Variants in CELF2 observed in about 807,000 individuals in gnomAD.
CELF2 encodes the protein CUG triplet repeat RNA-binding protein 2.
A neutral mutation model predicts 62.6 loss-of-function variants in CELF2; 8 were observed. The ratio of observed to expected loss-of-function variants is 0.13; its 90% CI spans 0.07 to 0.23. The LOEUF (loss-of-function observed/expected upper bound fraction) is 0.23, where lower values mean the gene tolerates loss of function less well. Among genes scored for constraint, CELF2 ranks in the 10% least tolerant of loss-of-function variants. The pLI is 1.00. For missense variants in CELF2, 333 were observed against 671.0 expected (o/e 0.50, Z 5.56); for synonymous variants, 258 against 250.0 (o/e 1.03, Z -0.30).
At chr10:11,055,534 G>C (rs1197177796) in intron 1 of CELF2, among the ~76,000 whole-genome samples, 10 of 152,208 alleles carry the variant, frequency 6.6e-5, no homozygotes, top group Non-Finnish European at 1.3e-4. Flanking sequence ...TCATCCCTGT[G>C]CCCTCATGCT....
rs935569900 is a variant in CELF2, at chr10:11,243,572, C to A, written c.355-5581C>A. 2.6e-5 allele frequency among the ~76,000 whole-genome samples: 4 copies of A among 152,198 alleles called. No homozygotes were observed. The highest frequency in any genetic ancestry group is 2.1e-4 in the South Asian group (1 of 4,826). ...CCTTGCGTGAGAGGACCAGAGATCT[C>A]CTGTCGTCTTCCAGGCTTGCTGCAA... On this transcript the variant is annotated intron_variant, in intron 3 of 12. Transcript: ENST00000633077. The surrounding 1 kb of genome is among the most constrained non-coding windows in gnomAD (Gnocchi z 4.1).
chr10:11,064,345 C>T (rs983118382), intron 1 of CELF2, among the ~76,000 whole-genome samples: 11 of 152,180 alleles, frequency 7.2e-5, no homozygotes, highest in Non-Finnish European at 1.5e-4. Flanking sequence ...CACCAGCACT[C>T]CCTTCAGAGT....
At chr10:10,688,041 T>C in the CELF2 span, among the ~76,000 whole-genome samples, 2 of 152,280 alleles carry the variant, frequency 1.3e-5, no homozygotes, top group Non-Finnish European at 2.9e-5. Flanking sequence ...ACATTTATGA[T>C]ATTCGCGAAC....
chr10:11,244,797 C>A lies in CELF2; in HGVS notation c.355-4356C>A, dbSNP rs1395439781. Among the ~76,000 whole-genome samples the A allele has an allele frequency of 6.6e-6, 1 of 152,166 alleles. No homozygotes were observed. Among genetic ancestry groups the A allele is most frequent in the South Asian group, 2.1e-4 (1 of 4,836 alleles). On this transcript the variant is annotated intron_variant, in intron 3 of 12. Coordinates refer to ENST00000633077, the MANE Select transcript of CELF2 (RefSeq NM_001326342.2). The surrounding 1 kb of genome is among the most constrained non-coding windows in gnomAD (Gnocchi z 4.2). ...GCCTCCAAATAAATTGTTCTTTTCC[C>A]TGAAATGTCCTTTCCACATCTTCCG...
chr10:11,217,104 G>A lies in CELF2; in HGVS notation c.272-321G>A, dbSNP rs573119812. Among the ~76,000 whole-genome samples the A allele has an allele frequency of 4.5e-4, 68 of 152,270 alleles. No homozygotes were observed. Among genetic ancestry groups the A allele is most frequent in the Non-Finnish European group, 7.2e-4 (49 of 68,020 alleles). Reference sequence around the variant, plus strand: ...ATTGTGATTAAATGCTTCTCTTCACGTAGGTGCTATAACACAGGTCCCATT... The same window carrying A: ...ATTGTGATTAAATGCTTCTCTTCACATAGGTGCTATAACACAGGTCCCATT... On this transcript the variant is annotated intron_variant, in intron 2 of 12. Transcript: ENST00000633077. The surrounding 1 kb of genome is among the most constrained non-coding windows in gnomAD (Gnocchi z 5.6).
chr10:10,825,987 T>C (rs1260336592), intron 1 of CELF2, among the ~76,000 whole-genome samples: 1 of 152,204 alleles, frequency 6.6e-6, no homozygotes, highest in Non-Finnish European at 1.5e-5. Context: ...GGAGCTGTAC[T>C]AAGACTTCAA....
chr10:10,554,942 A>G, the CELF2 span, among the ~76,000 whole-genome samples: 2 of 152,180 alleles, frequency 1.3e-5, no homozygotes, highest in African/African-American at 4.8e-5. Flanking sequence ...TTTTTCCTCT[A>G]GAAAGCAGAG....
chr10:10,612,891 C>T, the CELF2 span, among the ~76,000 whole-genome samples: 1 of 152,184 alleles, frequency 6.6e-6, no homozygotes, highest in Non-Finnish European at 1.5e-5. Context: ...AAAGATCTTA[C>T]TTGGTGTCTG....
Position 11,211,367 on chromosome 10 carries a change from C to G in CELF2, c.272-6058C>G, listed in dbSNP as rs545586622. On this transcript the variant is annotated intron_variant, in intron 2 of 12. Transcript: ENST00000633077. The surrounding 1 kb of genome is among the most constrained non-coding windows in gnomAD (Gnocchi z 4.8). ...AAAACAGTGTCTCAGAGCATCAAAC[C>G]TTGGTTTAGAAACCTTGGAGGAAGT... 6.6e-6 allele frequency among the ~76,000 whole-genome samples: 1 copy of G among 152,144 alleles called. No individual in the cohort carries two copies. Among genetic ancestry groups the G allele is most frequent in the Admixed American group, 6.5e-5 (1 of 15,284 alleles).
Position 11,235,428 on chromosome 10 carries a change from A to G in CELF2, c.355-13725A>G, listed in dbSNP as rs565796115. 2.0e-5 allele frequency among the ~76,000 whole-genome samples: 3 copies of G among 152,326 alleles called. No homozygotes were observed. In the East Asian group the frequency reaches 5.8e-4, roughly 29 times the overall value. ...CCTAATCCTTGAATTTTCTCTTTAA[A>G]AGATTGAACTTGAAGATAAGCATAT... On this transcript the variant is annotated intron_variant, in intron 3 of 12. Transcript: ENST00000633077.
chr10:11,069,491 T>C (rs2069134968), intron 1 of CELF2, among the ~76,000 whole-genome samples: 1 of 152,212 alleles, frequency 6.6e-6, no homozygotes, highest in Admixed American at 6.5e-5. Context: ...ATCCAGTTAG[T>C]CATTCAGTAG....
the CELF2 span, among the ~76,000 whole-genome samples, chr10:10,509,121 G>A: frequency 2.0e-5 from 3 of 152,162 alleles, no homozygotes; most frequent in East Asian, 1.9e-4. Flanking sequence ...TGGAGGTTCT[G>A]TTTAACTTTA....
In CELF2 at chr10:11,257,761, A is replaced by G. The variant is rs757701289; in HGVS notation, c.427A>G (p.Ile143Val). Residue 143 changes from isoleucine to valine, a missense_variant, in exon 5 of 13, where the codon ATA (isoleucine) becomes GTA (valine). Ile to Val is a conservative substitution (Grantham distance 29). This residue lies in a region of CELF2 where 253 missense variants were observed against 503.0 expected (regional missense o/e 0.50). Coordinates refer to ENST00000633077, the MANE Select transcript of CELF2 (RefSeq NM_001326342.2). The stretch of plus-strand genomic sequence containing the variant: ...AGCTGTGGAAGACAGAAAATTGTTC[A>G]TAGGAATGGTATCGAAGAAATGTAA... The part of the protein sequence containing the change: ...SNAVEDRKLF[I>V]GMVSKKCNEN... 3.1e-6 allele frequency: 5 copies of G among 1,614,098 alleles called. No individual in the cohort carries two copies. In the South Asian group the frequency reaches 5.5e-5, roughly 18 times the overall value.
the CELF2 span, among the ~76,000 whole-genome samples, chr10:10,758,135 A>T: frequency 6.6e-6 from 1 of 152,228 alleles, no homozygotes; most frequent in Non-Finnish European, 1.5e-5. Flanking sequence ...AGAGATTTCA[A>T]ATTCTTTTTA....
In CELF2 at chr10:11,309,300, C is replaced by T. The variant is rs1206973718; in HGVS notation, c.977-4839C>T. On this transcript the variant is annotated intron_variant, in intron 9 of 12. Transcript: ENST00000633077. This position sits in a 1 kb window ranked among gnomAD's most constrained non-coding sequence, Gnocchi z 5.6. Reference sequence around the variant, plus strand: ...CACATCACCCCTTCCCCACTGGCTTCTCATTTGTGTTTATTTCCTTACTGA... The same window carrying T: ...CACATCACCCCTTCCCCACTGGCTTTTCATTTGTGTTTATTTCCTTACTGA... Among the ~76,000 whole-genome samples the T allele has an allele frequency of 2.6e-5, 4 of 152,246 alleles. No homozygotes were observed. The highest frequency in any genetic ancestry group is 5.9e-5 in the Non-Finnish European group (4 of 68,038).
intron 2 of CELF2, chr10:11,169,019 A>C (rs529470859): frequency 6.6e-6 from 1 of 152,212 alleles, no homozygotes; most frequent in East Asian, 1.9e-4. Flanking sequence ...GAAATTGGAG[A>C]ACCCTAAATT....
At chr10:11,201,572 T>G (rs2059221142) in intron 2 of CELF2, among the ~76,000 whole-genome samples, 1 of 152,246 alleles carries the variant, frequency 6.6e-6, no homozygotes, top group Admixed American at 6.5e-5. Context: ...TTTAGTCACG[T>G]GGCAAGGGGC....
the CELF2 span, among the ~76,000 whole-genome samples, chr10:10,577,755 A>G: frequency 6.6e-6 from 1 of 152,050 alleles, no homozygotes; most frequent in Non-Finnish European, 1.5e-5. Context: ...AATCCAGTCT[A>G]TCATTCTTGG....
the CELF2 span, among the ~76,000 whole-genome samples, chr10:10,701,996 C>T: frequency 1.3e-5 from 2 of 152,202 alleles, no homozygotes; most frequent in Non-Finnish European, 1.5e-5. Context: ...GAAGGAGCAG[C>T]GGTACCGATA....
Sources: gnomAD v4.1 joint callset for allele counts (sites outside exome capture counted in the v4.1 genomes callset) on GRCh38, gnomAD v4.1.1 for gene constraint, gnomAD v4.1.1 regional missense constraint, Gnocchi (gnomAD v3.1) non-coding constraint, MANE v1.5 for transcripts, NCBI Gene and HGNC (gene_info 2026-07-23, HGNC 2026-07-21) for gene names.